The following SELENOI variants were observed in gnomAD, a reference collection of about 807,000 sequenced individuals.
SELENOI encodes ethanolaminephosphotransferase 1.
Under a neutral mutation model 50.7 loss-of-function variants are expected in SELENOI, and 24 were observed. The observed-to-expected ratio is 0.47, with a 90% CI of 0.34 to 0.67. The LOEUF (loss-of-function observed/expected upper bound fraction) is 0.67. Among genes scored for constraint, SELENOI ranks in the 30% least tolerant of loss-of-function variants. SELENOI has a pLI of 0.01. For missense variants in SELENOI, 352 were observed against 461.4 expected (o/e 0.76, Z 2.17); for synonymous variants, 155 against 170.2 (o/e 0.91, Z 0.70).
chr2:26,375,389 T>TA (rs1677546028), intron 6 of SELENOI, among the ~76,000 whole-genome samples: 1 of 152,222 alleles, frequency 6.6e-6, no homozygotes, highest in Non-Finnish European at 1.5e-5. Context: ...ATAGATCACA[T>TA]AAGCCTGATA....
intron 6 of SELENOI, among the ~76,000 whole-genome samples, chr2:26,380,445 G>T (rs1490071361): frequency 6.6e-6 from 1 of 152,044 alleles, no homozygotes; most frequent in Non-Finnish European, 1.5e-5. Context: ...CTCCACAGTG[G>T]TCTATAAGGA....
At chr2:26,364,203 A>G (rs1677241034) in intron 1 of SELENOI, 99 bp from the exon 2 acceptor site, 5 of 857,158 alleles carry the variant, frequency 5.8e-6, no homozygotes, top group South Asian at 4.5e-5. Context: ...TGCATGCGCC[A>G]CTGCGCCTGG....
At chr2:26,388,069 A>G (rs1446663822) in intron 9 of SELENOI, among the ~76,000 whole-genome samples, 5 of 152,210 alleles carry the variant, frequency 3.3e-5, no homozygotes, top group Non-Finnish European at 7.3e-5. Flanking sequence ...ACAATTGTTA[A>G]GGAGAAAAAA....
intron 1 of SELENOI, 56 bp from the exon 2 acceptor site, chr2:26,364,246 T>G: frequency 8.3e-7 from 1 of 1,202,756 alleles, no homozygotes; most frequent in Non-Finnish European, 1.2e-6. Context: ...GAAATGTTAT[T>G]CTGTCTACTA....
At chr2:26,361,397 A>G (rs1314475255) in intron 1 of SELENOI, among the ~76,000 whole-genome samples, 1 of 152,252 alleles carries the variant, frequency 6.6e-6, no homozygotes, top group Non-Finnish European at 1.5e-5. Context: ...TGAGTGATTA[A>G]CAACAACAAC....
At position 26,353,042 on chromosome 2, in the gene SELENOI, T is replaced by C. The variant is rs533017776; in HGVS notation, c.57+6753T>C. Among the ~76,000 whole-genome samples, 8 of 152,234 alleles carry C rather than the reference T, an allele frequency of 5.3e-5. No homozygotes were observed. The South Asian group carries it at 1.7e-3, about 32-fold the overall frequency. ...ATCCCTGTGATCCTTGATTTGAAGA[T>C]ACAAGATTGGCAGAACATGGTGACT... On this transcript the variant is annotated intron_variant, in intron 1 of 9. Transcript: ENST00000260585.
intron 3 of SELENOI, among the ~76,000 whole-genome samples, chr2:26,366,188 T>C (rs1186731754): frequency 6.6e-6 from 1 of 152,148 alleles, no homozygotes; most frequent in Non-Finnish European, 1.5e-5. Flanking sequence ...CTTCTGTACA[T>C]GTAATAAAAT....
At chr2:26,350,974 A>G (rs1391715840) in intron 1 of SELENOI, among the ~76,000 whole-genome samples, 1 of 152,162 alleles carries the variant, frequency 6.6e-6, no homozygotes, top group African/African-American at 2.4e-5. Context: ...AAATGTGCTC[A>G]GAACACTTAG....
At chr2:26,359,843 C>T (rs922616017) in intron 1 of SELENOI, among the ~76,000 whole-genome samples, 5 of 152,006 alleles carry the variant, frequency 3.3e-5, no homozygotes, top group African/African-American at 9.7e-5. Context: ...AAATGAGGCC[C>T]GATGACTGTT....
At position 26,390,379 on chromosome 2, in the gene SELENOI, T is replaced by C. The variant is rs913816589; in HGVS notation, c.*1276T>C. 2.0e-5 allele frequency: 3 copies of C among 152,550 alleles called. No homozygotes were observed. Among genetic ancestry groups the C allele is most frequent in the African/African-American group, 7.2e-5 (3 of 41,422 alleles). The allele number at this position is 152,550 out of a possible 1,614,324, so 9.4% of individuals were successfully genotyped here. On this transcript the variant is annotated 3_prime_UTR_variant, in exon 10 of 10. Transcript: ENST00000260585. ...ATTTTTCACTGAATGAAGTTTGTGC[T>C]TGAATGAAGAGTGTATCTTAAACCC...
At chr2:26,373,205 G>GTT (rs1402960052) in intron 4 of SELENOI, among the ~76,000 whole-genome samples, 162 bp from the exon 5 acceptor site, 3 of 152,170 alleles carry the variant, frequency 2.0e-5, no homozygotes, top group African/African-American at 7.2e-5. Flanking sequence ...TCTTTGAAGT[G>GTT]TAGAATTAAA....
At chr2:26,351,400 C>T (rs937094806) in intron 1 of SELENOI, among the ~76,000 whole-genome samples, 8 of 152,198 alleles carry the variant, frequency 5.3e-5, no homozygotes, top group African/African-American at 1.4e-4. Flanking sequence ...AGCTGTGGCT[C>T]GCTGTGCTGC....
intron 6 of SELENOI, among the ~76,000 whole-genome samples, chr2:26,378,985 G>A (rs1200744528): frequency 6.6e-6 from 1 of 152,160 alleles, no homozygotes; most frequent in African/African-American, 2.4e-5. Context: ...TTAAATTTCT[G>A]TTAATCTGGC....
intron 1 of SELENOI, among the ~76,000 whole-genome samples, chr2:26,352,286 GGAGA>G (rs1433012385): frequency 6.6e-6 from 1 of 152,166 alleles, no homozygotes; most frequent in East Asian, 1.9e-4. Context: ...TGTAGAAGAT[GGAGA>G]GAGATAGAGG....
In SELENOI at chr2:26,384,953, T is replaced by C. The variant is rs1363490950; in HGVS notation, c.732-6T>C. 1 of 1,597,856 alleles carries C rather than the reference T, an allele frequency of 6.3e-7. No homozygotes were observed. Among genetic ancestry groups the C allele is most frequent in the Non-Finnish European group, 8.5e-7 (1 of 1,172,898 alleles). On this transcript the variant is annotated splice_region_variant and splice_polypyrimidine_tract_variant and intron_variant, in intron 7 of 9. Transcript: ENST00000260585. ...GTTCTTTATATTACTTGATTTTTTT[T>C]TCCAGAAGCTATAAAAATAACACCT...
In SELENOI at chr2:26,389,396, A is replaced by T. The variant is rs1158080930; in HGVS notation, c.*293A>T. 1 of 251,374 alleles carries T rather than the reference A, an allele frequency of 4.0e-6. No individual in the cohort carries two copies. Among genetic ancestry groups the T allele is most frequent in the Non-Finnish European group, 7.7e-6 (1 of 130,048 alleles). 15.6% of individuals were successfully genotyped at this position (251,374 alleles called of 1,614,324 possible). On this transcript the variant is annotated 3_prime_UTR_variant, in exon 10 of 10. Coordinates refer to ENST00000260585, the MANE Select transcript of SELENOI (RefSeq NM_033505.4). Reference sequence around the variant, plus strand: ...GAGTTTACAATGTTGTGATTCATGCAGGGTTAAAGATGCTTTGTTTTTATT... The same window carrying T: ...GAGTTTACAATGTTGTGATTCATGCTGGGTTAAAGATGCTTTGTTTTTATT...
chr2:26,387,153 A>T (rs1677860097), intron 9 of SELENOI, among the ~76,000 whole-genome samples: 1 of 152,212 alleles, frequency 6.6e-6, no homozygotes, highest in South Asian at 2.1e-4. Context: ...GGATTTTGAG[A>T]AATGTTTTGT....
At chr2:26,358,090 A>C (rs766106503) in intron 1 of SELENOI, among the ~76,000 whole-genome samples, 16 of 151,150 alleles carry the variant, frequency 1.1e-4, no homozygotes, top group Non-Finnish European at 2.1e-4. Context: ...AGTCCATTAA[A>C]CCTGTTTTTC....
At chr2:26,363,248 A>G (rs1191401813) in intron 1 of SELENOI, among the ~76,000 whole-genome samples, 5 of 152,196 alleles carry the variant, frequency 3.3e-5, no homozygotes, top group Non-Finnish European at 4.4e-5. Flanking sequence ...TCTAATCCTT[A>G]TGACAATCCC....
Sources: gnomAD v4.1 joint callset for allele counts (sites outside exome capture counted in the v4.1 genomes callset) on GRCh38, gnomAD v4.1.1 for gene constraint, MANE v1.5 for transcripts, NCBI Gene and HGNC (gene_info 2026-07-23, HGNC 2026-07-21) for gene names.